The following DPYD variants were observed in gnomAD, a reference collection of about 807,000 sequenced individuals.
DPYD encodes the protein dihydropyrimidine dehydrogenase, also known as dihydropyrimidine dehydrogenase [NADP(+)].
Under a neutral mutation model 116.2 loss-of-function variants are expected in DPYD, and 109 were observed. That is an observed-to-expected ratio of 0.94 (90% CI 0.80 to 1.10). The LOEUF (loss-of-function observed/expected upper bound fraction) is 1.10, where lower values mean the gene tolerates loss of function less well. Ranked by LOEUF, DPYD falls within the 50% of genes least tolerant of loss-of-function variation. The pLI is 0.00. For synonymous variants in DPYD, 440 were observed against 432.0 expected (o/e 1.02, Z -0.23); for missense variants, 1,302 against 1,254.5 (o/e 1.04, Z -0.57).
At chr1:97,398,018 C>T (rs1355308211) in intron 14 of DPYD, among the ~76,000 whole-genome samples, 2 of 151,692 alleles carry the variant, frequency 1.3e-5, no homozygotes, top group Non-Finnish European at 2.9e-5. Context: ...CATATGTATA[C>T]ATGTGTCCAT....
At position 97,173,455 on chromosome 1, in the gene DPYD, G is replaced by GTA. The variant is rs565445402; in HGVS notation, c.2622+19612_2622+19613dup. ...ATACGTACATATATATGTAAAATGA[G>GTA]TATATATATACACACATAATGTGTA... is the stretch of plus-strand genomic sequence containing the variant. On this transcript the variant is annotated intron_variant, in intron 20 of 22. Coordinates refer to ENST00000370192, the MANE Select transcript of DPYD (RefSeq NM_000110.4). Among the ~76,000 whole-genome samples the GTA allele has an allele frequency of 3.9e-4, 51 of 131,258 alleles. 1 individual carries two copies. Among genetic ancestry groups the GTA allele is most frequent in the African/African-American group, 1.4e-3 (45 of 31,922 alleles). The allele number at this position is 131,258 out of a possible 152,430, so 86.1% of individuals were successfully genotyped here.
intron 2 of DPYD, among the ~76,000 whole-genome samples, chr1:97,859,244 A>T (rs77393078): frequency 6.6e-6 from 1 of 152,304 alleles, no homozygotes; most frequent in East Asian, 1.9e-4. Flanking sequence ...TGTGTTGTCT[A>T]GCAACACCAT....
chr1:97,103,971 G>A (rs1207197498), intron 20 of DPYD, among the ~76,000 whole-genome samples: 1 of 151,930 alleles, frequency 6.6e-6, no homozygotes, highest in Non-Finnish European at 1.5e-5. Context: ...TTTTCACCTG[G>A]TACATGCCAA....
chr1:97,680,928 A>G (rs1050894935), intron 7 of DPYD, among the ~76,000 whole-genome samples: 25 of 152,270 alleles, frequency 1.6e-4, no homozygotes, highest in African/African-American at 4.8e-4. Context: ...AGGAAGCACA[A>G]TGCCTGGTAG....
At chr1:97,762,520 C>T (rs552638659) in intron 3 of DPYD, among the ~76,000 whole-genome samples, 1 of 152,080 alleles carries the variant, frequency 6.6e-6, no homozygotes, top group African/African-American at 2.4e-5. Flanking sequence ...TTATTTCCCC[C>T]TGCTTTTCTC....
chr1:97,283,689 A>T (rs1665477858), intron 18 of DPYD, among the ~76,000 whole-genome samples: 1 of 152,120 alleles, frequency 6.6e-6, no homozygotes, highest in Non-Finnish European at 1.5e-5. Flanking sequence ...GTGTTTTGTC[A>T]TATATTCAAA....
At chr1:97,834,372 T>C (rs1470766544) in intron 2 of DPYD, among the ~76,000 whole-genome samples, 1 of 151,492 alleles carries the variant, frequency 6.6e-6, no homozygotes, top group Non-Finnish European at 1.5e-5. Flanking sequence ...TTTAACTCCT[T>C]ATTTTGAAAA....
rs1465795668 is a variant in DPYD at position 97,079,060 on chromosome 1, A to C, written c.2994T>G (p.Ile998Met). 1 of 1,613,754 alleles carries C rather than the reference A, an allele frequency of 6.2e-7. No homozygotes were observed. The highest frequency in any genetic ancestry group is 2.2e-5 in the East Asian group (1 of 44,860). The change falls in exon 23 of 23, where the codon ATT becomes ATG. Residue 998 changes from isoleucine (I) to methionine (M), a missense_variant. Physicochemically the swap from Ile to Met is conservative, Grantham distance 10. Transcript: ENST00000370192. ...GCTLCLSVCP[I>M]VDCIKMVSRT... ...TGGAAACCATTTTGATGCAGTCGAC[A>C]ATAGGGCAAACACTGAGACACAGAG...
At chr1:97,264,353 G>T (rs956528169) in intron 18 of DPYD, among the ~76,000 whole-genome samples, 1 of 150,818 alleles carries the variant, frequency 6.6e-6, no homozygotes, top group Non-Finnish European at 1.5e-5. Flanking sequence ...TATGTTTTTT[G>T]TTTCTAATTT....
At chr1:97,777,946 T>C (rs957960292) in intron 3 of DPYD, among the ~76,000 whole-genome samples, 18 of 151,340 alleles carry the variant, frequency 1.2e-4, no homozygotes, top group South Asian at 8.3e-4. Context: ...TCACCTGAGG[T>C]CAGGAGTTTG....
At chr1:97,149,863 A>T (rs1479036508) in intron 20 of DPYD, among the ~76,000 whole-genome samples, 1 of 152,230 alleles carries the variant, frequency 6.6e-6, no homozygotes, top group Non-Finnish European at 1.5e-5. Flanking sequence ...ATATTTTCAC[A>T]TAGTAACATT....
intron 20 of DPYD, among the ~76,000 whole-genome samples, chr1:97,149,699 G>A (rs989890483): frequency 9.9e-5 from 15 of 152,164 alleles, no homozygotes; most frequent in African/African-American, 3.6e-4. Context: ...AAATTATTAT[G>A]AATTTCAAGA....
intron 18 of DPYD, among the ~76,000 whole-genome samples, chr1:97,245,684 G>C (rs1448668324): frequency 6.6e-6 from 1 of 152,070 alleles, no homozygotes; most frequent in Non-Finnish European, 1.5e-5. Flanking sequence ...GAGAATCCAG[G>C]ATAACAAGTG....
At chr1:97,263,915 C>A (rs1250680687) in intron 18 of DPYD, among the ~76,000 whole-genome samples, 1 of 151,904 alleles carries the variant, frequency 6.6e-6, no homozygotes, top group Non-Finnish European at 1.5e-5. Flanking sequence ...GAAAAATTAC[C>A]CCCTTCATTT....
chr1:97,719,891 T>C (rs905882180), intron 5 of DPYD: 19 of 984,998 alleles, frequency 1.9e-5, no homozygotes, highest in African/African-American at 5.2e-5. Context: ...ATGCATCTAC[T>C]GCAGTCCTAA....
chr1:97,179,629 G>C (rs1357035095), intron 20 of DPYD, among the ~76,000 whole-genome samples: 1 of 152,108 alleles, frequency 6.6e-6, no homozygotes, highest in African/African-American at 2.4e-5. Flanking sequence ...AGGCTTCAGG[G>C]CACTTCCAGT....
At chr1:97,235,630 A>C (rs1046144104) in intron 18 of DPYD, among the ~76,000 whole-genome samples, 1 of 152,242 alleles carries the variant, frequency 6.6e-6, no homozygotes, top group East Asian at 1.9e-4. Flanking sequence ...TCTCAAAAAC[A>C]AACAAACAAA....
intron 13 of DPYD, among the ~76,000 whole-genome samples, chr1:97,493,555 C>T (rs1459802248): frequency 6.6e-6 from 1 of 152,018 alleles, no homozygotes; most frequent in African/African-American, 2.4e-5. Context: ...TCAGGTGGAG[C>T]AATTTTCATC....
At chr1:97,198,930 C>T (rs943949196) in intron 19 of DPYD, among the ~76,000 whole-genome samples, 2 of 152,108 alleles carry the variant, frequency 1.3e-5, no homozygotes, top group Non-Finnish European at 1.5e-5. Flanking sequence ...CGTGATTTGA[C>T]GTGTTCCATA....
Sources: gnomAD v4.1 joint callset for allele counts (sites outside exome capture counted in the v4.1 genomes callset) on GRCh38, gnomAD v4.1.1 for gene constraint, MANE v1.5 for transcripts, NCBI Gene and HGNC (gene_info 2026-07-23, HGNC 2026-07-21) for gene names.